Variants in ZNF81 observed in about 807,000 individuals in gnomAD.
ZNF81 encodes zinc finger protein 81.
A neutral mutation model predicts 32.3 loss-of-function variants in ZNF81; 5 were observed. The ratio of observed to expected loss-of-function variants is 0.15; its 90% CI spans 0.08 to 0.33. The LOEUF (loss-of-function observed/expected upper bound fraction) is 0.33, where lower values mean the gene tolerates loss of function less well. Ranked by LOEUF, ZNF81 falls within the 10% of genes least tolerant of loss-of-function variation. The probability of loss-of-function intolerance (pLI) is 1.00; values close to 1 mark genes in which losing one functional copy is unlikely to be tolerated. For synonymous variants in ZNF81, 163 were observed against 166.8 expected, an observed-to-expected ratio of 0.98 and a Z score of 0.17; for missense variants, 379 against 479.8, an observed-to-expected ratio of 0.79 and a Z score of 1.96.
At chrX:47,908,439 G>A (rs1382698732) in intron 4 of ZNF81, among the ~76,000 whole-genome samples, 1 of 111,797 alleles carries the variant, frequency 8.9e-6, no homozygotes, top group Admixed American at 9.5e-5. Flanking sequence ...ATTGATGGTA[G>A]GAGTGTAAAT....
intron 4 of ZNF81, among the ~76,000 whole-genome samples, chrX:47,908,844 G>C (rs1197804591): frequency 8.9e-6 from 1 of 111,808 alleles, no homozygotes; most frequent in African/African-American, 3.2e-5. Context: ...ACTAATCTAT[G>C]ATTGTGATAA....
chrX:47,881,883 C>T (rs2058622271), intron 2 of ZNF81, among the ~76,000 whole-genome samples: 1 of 111,921 alleles, frequency 8.9e-6, no homozygotes, highest in Non-Finnish European at 1.9e-5. Flanking sequence ...CTCAAACGAT[C>T]CTCCCTCCTC....
chrX:47,866,521 G>T (rs2058560536), intron 2 of ZNF81, among the ~76,000 whole-genome samples: 2 of 111,894 alleles, frequency 1.8e-5, no homozygotes, highest in Admixed American at 9.5e-5. Context: ...AGCACCATTT[G>T]CTGTATATTC....
intron 2 of ZNF81, among the ~76,000 whole-genome samples, chrX:47,858,239 A>G (rs1357219876): frequency 8.9e-6 from 1 of 112,018 alleles, no homozygotes; most frequent in Non-Finnish European, 1.9e-5. Flanking sequence ...AAATTTCAAC[A>G]TCCATTCTTG....
chrX:47,902,819 C>T (rs936183115), intron 4 of ZNF81, among the ~76,000 whole-genome samples: 1 of 111,271 alleles, frequency 9.0e-6, no homozygotes, highest in Non-Finnish European at 1.9e-5. Flanking sequence ...TTTGGGAGGC[C>T]GAGGCGGGTG....
In ZNF81 at chrX:47,875,534, T is replaced by G. The variant is rs2058596592; in HGVS notation, c.55-12465T>G. On this transcript the variant is annotated intron_variant, in intron 2 of 4. Coordinates refer to ENST00000338637, the MANE Select transcript of ZNF81 (RefSeq NM_007137.5). ...ATAGGTTCTGCATTACACATGCTTC[T>G]CAATCATAAAATCTGGAATTTGGAA... 4.5e-5 allele frequency among the ~76,000 whole-genome samples: 5 copies of G among 112,357 alleles called. No homozygotes were observed. The South Asian group carries it at 1.8e-3, about 41-fold the overall frequency.
Position 47,923,700 on chromosome X carries a change from T to A in ZNF81, c.*7068T>A, listed in dbSNP as rs2058783613. Among the ~76,000 whole-genome samples, 1 of 112,124 alleles carries A rather than the reference T, an allele frequency of 8.9e-6. No individual in the cohort carries two copies. The highest frequency in any genetic ancestry group is 9.4e-5 in the Admixed American group (1 of 10,601). ...AAGCAATTTTTCTCATAGAAAAATA[T>A]CAAGCCATTGGACTAGATTATTCTG... On this transcript the variant is annotated 3_prime_UTR_variant, in exon 5 of 5. Coordinates refer to ENST00000338637, the MANE Select transcript of ZNF81 (RefSeq NM_007137.5).
At chrX:47,906,753 G>T (rs1556889227) in intron 4 of ZNF81, among the ~76,000 whole-genome samples, 1 of 112,038 alleles carries the variant, frequency 8.9e-6, no homozygotes, top group Non-Finnish European at 1.9e-5. Flanking sequence ...AGGAGTGGAG[G>T]TTGCAGTGAG....
intron 2 of ZNF81, among the ~76,000 whole-genome samples, chrX:47,885,850 A>G (rs1227402820): frequency 9.0e-6 from 1 of 111,479 alleles, no homozygotes; most frequent in Non-Finnish European, 1.9e-5. Context: ...AAACATTGAA[A>G]CCATAGCATC....
intron 2 of ZNF81, among the ~76,000 whole-genome samples, chrX:47,865,198 G>A (rs1049952625): frequency 8.1e-5 from 9 of 111,799 alleles, no homozygotes; most frequent in African/African-American, 2.3e-4. Flanking sequence ...ATGTAAAACC[G>A]AGATGCCACT....
chrX:47,856,948 A>G (rs1054667283), intron 2 of ZNF81, among the ~76,000 whole-genome samples: 9 of 111,520 alleles, frequency 8.1e-5, no homozygotes, highest in Non-Finnish European at 1.7e-4. Context: ...TCCTTCTCGA[A>G]AAAAGAAAAA....
intron 1 of ZNF81, among the ~76,000 whole-genome samples, chrX:47,838,459 C>T (rs1414365054): frequency 2.7e-5 from 3 of 111,240 alleles, no homozygotes; most frequent in Non-Finnish European, 5.7e-5. Flanking sequence ...TTTGGACCCT[C>T]TTTTTTGGTT....
At position 47,923,562 on chromosome X, in the gene ZNF81, GAC is replaced by G. The variant is rs1158509480; in HGVS notation, c.*6934_*6935del. Reference sequence around the variant, plus strand: ...ATGGAAAATTGGTTCTTGATTTTATGACACAGAGGTTGTTGTTGGCTTTGATG... The same window carrying G: ...ATGGAAAATTGGTTCTTGATTTTATGACAGAGGTTGTTGTTGGCTTTGATG... On this transcript the variant is annotated 3_prime_UTR_variant, in exon 5 of 5. Coordinates refer to ENST00000338637, the MANE Select transcript of ZNF81 (RefSeq NM_007137.5). 1.8e-5 allele frequency among the ~76,000 whole-genome samples: 2 copies of G among 111,930 alleles called. No individual in the cohort carries two copies. The highest frequency in any genetic ancestry group is 3.8e-5 in the Non-Finnish European group (2 of 53,184).
In ZNF81 at chrX:47,914,967, G is replaced by A; in HGVS notation, c.321G>A (p.Gly107=). 2 of 1,207,941 alleles carry A rather than the reference G, an allele frequency of 1.7e-6. No homozygotes were observed. The highest frequency in any genetic ancestry group is 2.2e-6 in the Non-Finnish European group (2 of 893,908). ...GIKPSQRRIS[G]KSTFHSEMEG... ...AGCCTTCCCAGAGGAGAATTTCTGG[G>A]AAATCTACATTTCATAGTGAAATGG... Residue 107 remains glycine, a synonymous_variant, in exon 5 of 5, where the codon GGG becomes GGA. Coordinates refer to ENST00000338637, the MANE Select transcript of ZNF81 (RefSeq NM_007137.5).
chrX:47,838,055 T>C (rs1278685123), intron 1 of ZNF81, among the ~76,000 whole-genome samples: 1 of 112,347 alleles, frequency 8.9e-6, no homozygotes, highest in African/African-American at 3.2e-5. Flanking sequence ...GTACATGTCT[T>C]ATTCAATTTA....
chrX:47,906,796 G>A (rs782496438), intron 4 of ZNF81, among the ~76,000 whole-genome samples: 5 of 112,495 alleles, frequency 4.4e-5, no homozygotes, highest in Non-Finnish European at 7.5e-5. Context: ...CAGCCTAGGC[G>A]ACAGAGCGAG....
intron 2 of ZNF81, among the ~76,000 whole-genome samples, chrX:47,855,160 A>T (rs73632358): frequency 0.022 from 1,099 of 49,748 alleles, 14 homozygotes; most frequent in African/African-American, 0.049. Context: ...TCAAAAAAAT[A>T]AATAAATTAA....
Position 47,917,156 on chromosome X carries a change from G to A in ZNF81, c.*524G>A. The stretch of plus-strand genomic sequence containing the variant: ...TTTTTTTCAAATTTAGAATAATTAT[G>A]TCCATCAAATGTTTCTTACTGAATA... On this transcript the variant is annotated 3_prime_UTR_variant, in exon 5 of 5. Coordinates refer to ENST00000338637, the MANE Select transcript of ZNF81 (RefSeq NM_007137.5). 2 of 291,538 alleles carry A rather than the reference G, an allele frequency of 6.9e-6. No individual in the cohort carries two copies. Among genetic ancestry groups the A allele is most frequent in the Non-Finnish European group, 1.2e-5 (2 of 166,578 alleles). The allele number at this position is 291,538 out of a possible 1,213,427, so 24.0% of individuals were successfully genotyped here. A position where few individuals can be genotyped will look rare whatever the true frequency, so the allele number is the denominator to read the frequency against.
At chrX:47,903,006 A>G (rs1351312136) in intron 4 of ZNF81, among the ~76,000 whole-genome samples, 1 of 112,385 alleles carries the variant, frequency 8.9e-6, no homozygotes, top group Non-Finnish European at 1.9e-5. Context: ...ACAAAATTCA[A>G]CAACCCTTAA....
Sources: gnomAD v4.1 joint callset for allele counts (sites outside exome capture counted in the v4.1 genomes callset) on GRCh38, gnomAD v4.1.1 for gene constraint, MANE v1.5 for transcripts, NCBI Gene and HGNC (gene_info 2026-07-23, HGNC 2026-07-21) for gene names.